Variants in SYNE2 observed in about 807,000 individuals in gnomAD.
SYNE2 encodes the protein spectrin repeat containing nuclear envelope protein 2.
SYNE2 carries 431 observed loss-of-function variants against 856.3 expected under a neutral mutation model. The observed-to-expected ratio is 0.50, with a 90% CI of 0.47 to 0.55. The LOEUF (loss-of-function observed/expected upper bound fraction) is 0.55. Ranked by LOEUF, SYNE2 falls within the 20% of genes least tolerant of loss-of-function variation. The pLI is 0.00. For synonymous variants in SYNE2, 2,923 were observed against 2,872.3 expected, an observed-to-expected ratio of 1.02 and a Z score of -0.56; for missense variants, 8,129 against 8,023.2, an observed-to-expected ratio of 1.01 and a Z score of -0.50.
At position 64,023,832 on chromosome 14, in the gene SYNE2, G is replaced by A. The variant is rs144257572; in HGVS notation, c.5638-425G>A. The A allele has an allele frequency of 4.7e-5, 11 of 234,564 alleles. No homozygotes were observed. In the East Asian group the frequency reaches 1.2e-3, roughly 25 times the overall value. The allele number at this position is 234,564 out of a possible 1,614,324, so 14.5% of individuals were successfully genotyped here. On this transcript the variant is annotated intron_variant, in intron 38 of 115. Coordinates refer to ENST00000555002, the MANE Select transcript of SYNE2 (RefSeq NM_182914.3). ...ATCACCCCTCTTCTAACAATTTGAA[G>A]TCTCATCTTTTTTTGTTTGCTTGTT...
At chr14:63,830,228 G>A (rs1392402848) in intron 1 of SYNE2, among the ~76,000 whole-genome samples, 1 of 148,682 alleles carries the variant, frequency 6.7e-6, no homozygotes. Flanking sequence ...CAGGGAGTGG[G>A]GTAGTGGTGA....
At chr14:64,137,724 T>A in intron 78 of SYNE2, 63 bp from the exon 79 acceptor site, 1 of 1,561,164 alleles carries the variant, frequency 6.4e-7, no homozygotes, top group Non-Finnish European at 8.8e-7. Context: ...ATGCAGTATT[T>A]GTGAATAGCT....
At chr14:64,170,556 G>A in intron 94 of SYNE2, 94 bp downstream of exon 94, 1 of 1,263,480 alleles carries the variant, frequency 7.9e-7, no homozygotes. Context: ...TGATGATGAT[G>A]TGATCCAAGT....
chr14:64,184,227 G>A (rs1229211787), intron 96 of SYNE2, among the ~76,000 whole-genome samples: 1 of 152,134 alleles, frequency 6.6e-6, no homozygotes, highest in Non-Finnish European at 1.5e-5. Flanking sequence ...GCAGCACCAT[G>A]GCAGGTTCTG....
chr14:64,203,947 G>C (rs1445186959), intron 100 of SYNE2, among the ~76,000 whole-genome samples: 1 of 152,068 alleles, frequency 6.6e-6, no homozygotes, highest in African/African-American at 2.4e-5. Flanking sequence ...TAACTTCTGG[G>C]CTCAAGTGAT....
In SYNE2 at chr14:64,172,797, G is replaced by C. The variant is rs7493750; in HGVS notation, c.17236-2147G>C. ...AAAATTCAAAATTTAGCCAGGTGTG[G>C]TGGTGCACGCCTGTACTCCCAGCTG... On this transcript the variant is annotated intron_variant, in intron 94 of 115. Coordinates refer to ENST00000555002, the MANE Select transcript of SYNE2 (RefSeq NM_182914.3). 6.1e-3 allele frequency among the ~76,000 whole-genome samples: 928 copies of C among 152,158 alleles called. 13 individuals carry two copies. The highest frequency in any genetic ancestry group is 0.021 in the African/African-American group (886 of 41,506).
chr14:64,170,512 G>A, intron 94 of SYNE2, 50 bp downstream of exon 94: 2 of 1,520,776 alleles, frequency 1.3e-6, no homozygotes, highest in South Asian at 1.2e-5. Context: ...GTCATTGTTT[G>A]CAAGATGTTC....
intron 61 of SYNE2, among the ~76,000 whole-genome samples, chr14:64,095,581 A>G (rs993066639): frequency 2.0e-5 from 3 of 152,156 alleles, no homozygotes; most frequent in Non-Finnish European, 2.9e-5. Context: ...AAGGAAAGCA[A>G]TACAGTTTAT....
intron 45 of SYNE2, among the ~76,000 whole-genome samples, chr14:64,032,887 T>A (rs575557486): frequency 6.6e-6 from 1 of 152,276 alleles, no homozygotes; most frequent in South Asian, 2.1e-4. Context: ...CAATAGATAA[T>A]CAAGACTTAG....
chr14:64,170,229 C>A lies in SYNE2; in HGVS notation c.17002C>A (p.Pro5668Thr). 2 of 1,613,516 alleles carry A rather than the reference C, an allele frequency of 1.2e-6. No homozygotes were observed. The highest frequency in any genetic ancestry group is 1.7e-6 in the Non-Finnish European group (2 of 1,179,934). The change falls in exon 94 of 116, where the codon CCA (proline) becomes ACA (threonine). Residue 5668 changes from proline to threonine, a missense_variant and splice_region_variant. Pro to Thr is a conservative substitution (Grantham distance 38, BLOSUM62 -1). Transcript: ENST00000555002. The stretch of plus-strand genomic sequence containing the variant: ...CTATAACCATTTGTTTTTCCCCAGA[C>A]CAGAATTTATTACAGAATTCTCAAA... ...LLDTTEIENR[P>T]EFITEFSKLT...
intron 45 of SYNE2, among the ~76,000 whole-genome samples, chr14:64,042,468 G>A (rs911285721): frequency 5.3e-5 from 8 of 152,186 alleles, no homozygotes; most frequent in African/African-American, 1.9e-4. Flanking sequence ...TGGTTTGGCT[G>A]TGTCCCCACC....
chr14:63,917,845 A>G (rs1429503594), intron 2 of SYNE2, among the ~76,000 whole-genome samples: 1 of 151,272 alleles, frequency 6.6e-6, no homozygotes, highest in African/African-American at 2.5e-5. Context: ...TTGCACTGCA[A>G]AGTGTTTTTC....
intron 100 of SYNE2, among the ~76,000 whole-genome samples, chr14:64,204,789 G>T (rs1338626941): frequency 6.6e-6 from 1 of 152,158 alleles, no homozygotes; most frequent in Non-Finnish European, 1.5e-5. Flanking sequence ...ACAAATTACA[G>T]ATTTAGCAGC....
intron 45 of SYNE2, among the ~76,000 whole-genome samples, chr14:64,040,112 A>G (rs902005454): frequency 2.0e-5 from 3 of 152,192 alleles, no homozygotes; most frequent in Admixed American, 1.3e-4. Flanking sequence ...CTGTCTATCT[A>G]CTTACTTACC....
chr14:64,035,106 A>C (rs1682559117), intron 45 of SYNE2, among the ~76,000 whole-genome samples: 1 of 151,858 alleles, frequency 6.6e-6, no homozygotes, highest in Non-Finnish European at 1.5e-5. Flanking sequence ...CGTAATTGTT[A>C]GCATTTCTGA....
At chr14:63,948,320 T>C (rs1363404103) in intron 6 of SYNE2, among the ~76,000 whole-genome samples, 1 of 152,168 alleles carries the variant, frequency 6.6e-6, no homozygotes, top group Non-Finnish European at 1.5e-5. Context: ...GTTCAAAATA[T>C]TTTCTAATTT....
chr14:63,781,668 C>A (rs8022662), intron 1 of SYNE2, among the ~76,000 whole-genome samples: 7,108 of 149,656 alleles, frequency 0.047, 312 homozygotes, highest in African/African-American at 0.1. Context: ...TTCTCTCTCT[C>A]TATATATATA....
At chr14:63,803,507 G>A (rs979436949) in intron 1 of SYNE2, among the ~76,000 whole-genome samples, 8 of 152,202 alleles carry the variant, frequency 5.3e-5, no homozygotes, top group African/African-American at 1.9e-4. Context: ...CACTGGTCCG[G>A]GTGCTAAGTC....
rs376819071 is a variant in SYNE2, at chr14:64,052,782, G to C, written c.8869G>C (p.Glu2957Gln). The C allele has an allele frequency of 3.1e-6, 5 of 1,612,504 alleles. No homozygotes were observed. Among genetic ancestry groups the C allele is most frequent in the African/African-American group, 1.3e-5 (1 of 74,892 alleles). ...QFHEKTSALQ[E>Q]EADSIQRNEL... ...CCATGAAAAAACATCAGCGCTTCAGGAGGAGGCTGACAGTATACAGCGCAA... is the reference window on the plus strand; with the variant it reads ...CCATGAAAAAACATCAGCGCTTCAGCAGGAGGCTGACAGTATACAGCGCAA... The change falls in exon 48 of 116, where the codon GAG (glutamate) becomes CAG (glutamine). Residue 2957 changes from glutamate (E) to glutamine (Q), a missense_variant. Coordinates refer to ENST00000555002, the MANE Select transcript of SYNE2 (RefSeq NM_182914.3).
Sources: gnomAD v4.1 joint callset for allele counts (sites outside exome capture counted in the v4.1 genomes callset) on GRCh38, gnomAD v4.1.1 for gene constraint, MANE v1.5 for transcripts, NCBI Gene and HGNC (gene_info 2026-07-23, HGNC 2026-07-21) for gene names.